SLC24A3: variants seen among roughly 807,000 people sequenced by gnomAD.
The protein encoded by SLC24A3 is solute carrier family 24 member 3, also known as sodium/potassium/calcium exchanger 3.
Under a neutral mutation model 75.8 loss-of-function variants are expected in SLC24A3, and 28 were observed. The observed-to-expected ratio is 0.37, with a 90% CI of 0.27 to 0.51. The LOEUF is 0.51. Among genes scored for constraint, SLC24A3 ranks in the 20% least tolerant of loss-of-function variants. The pLI is 0.94. For synonymous variants in SLC24A3, 372 were observed against 334.1 expected (o/e 1.11, Z -1.24); for missense variants, 663 against 847.8 (o/e 0.78, Z 2.71).
At chr20:19,677,743 G>T (rs1167844128) in intron 9 of SLC24A3, among the ~76,000 whole-genome samples, 4 of 123,340 alleles carry the variant, frequency 3.2e-5, no homozygotes, top group Non-Finnish European at 4.9e-5. Flanking sequence ...ATTCTTGGGT[G>T]TTTCTCACAG....
intron 6 of SLC24A3, among the ~76,000 whole-genome samples, chr20:19,609,694 A>G (rs921101128): frequency 3.3e-5 from 5 of 152,220 alleles, no homozygotes; most frequent in African/African-American, 9.6e-5. Context: ...TAAAATCTCA[A>G]TGCAACCATT....
intron 2 of SLC24A3, among the ~76,000 whole-genome samples, chr20:19,480,176 A>ATT (rs1471619926): frequency 1.3e-5 from 2 of 152,230 alleles, no homozygotes; most frequent in African/African-American, 4.8e-5. Flanking sequence ...GTATGGTGTG[A>ATT]TGAGGTGTCT....
rs549247528 is a variant in SLC24A3, at chr20:19,688,702, C to T, written c.1324+3341C>T. 3.8e-4 allele frequency among the ~76,000 whole-genome samples: 58 copies of T among 152,300 alleles called. 1 individual carries two copies. In the South Asian group the frequency reaches 0.012, roughly 31 times the overall value. ...AGGCATGAGTACCCTGTTTCTGGCA[C>T]CCAGCCACAGTGCTTTCTTCTCTCA... is the stretch of plus-strand genomic sequence containing the variant. On this transcript the variant is annotated intron_variant, in intron 12 of 16. Coordinates refer to ENST00000328041, the MANE Select transcript of SLC24A3 (RefSeq NM_020689.4).
intron 3 of SLC24A3, among the ~76,000 whole-genome samples, chr20:19,533,964 C>T (rs1300212665): frequency 3.9e-5 from 6 of 152,230 alleles, no homozygotes; most frequent in Non-Finnish European, 8.8e-5. Context: ...CTCATCTGAG[C>T]AACAAGGCTG....
chr20:19,465,791 C>T (rs1987755445), intron 2 of SLC24A3, among the ~76,000 whole-genome samples: 1 of 152,196 alleles, frequency 6.6e-6, no homozygotes, highest in Non-Finnish European at 1.5e-5. Context: ...ACGCTACTTT[C>T]TCTGGGCTTG....
chr20:19,531,340 G>T (rs2030295411), intron 3 of SLC24A3, among the ~76,000 whole-genome samples: 1 of 152,210 alleles, frequency 6.6e-6, no homozygotes, highest in Non-Finnish European at 1.5e-5. Flanking sequence ...CTACTAAGAT[G>T]CTTACAAGGA....
Position 19,437,618 on chromosome 20 carries a change from C to T in SLC24A3, c.272-77870C>T, listed in dbSNP as rs56882519. On this transcript the variant is annotated intron_variant, in intron 2 of 16. Transcript: ENST00000328041. ...TGAGGAGGTGGGAAGAAGGCTGAGGCTTATCCAGGCCAATTGACCCAAACG... is the reference window on the plus strand; with the variant it reads ...TGAGGAGGTGGGAAGAAGGCTGAGGTTTATCCAGGCCAATTGACCCAAACG... Among the ~76,000 whole-genome samples the T allele has an allele frequency of 3.0e-3, 464 of 152,312 alleles. 6 individuals carry two copies. The highest frequency in any genetic ancestry group is 0.011 in the African/African-American group (453 of 41,580).
chr20:19,477,938 A>T (rs1273994726), intron 2 of SLC24A3, among the ~76,000 whole-genome samples: 1 of 152,216 alleles, frequency 6.6e-6, no homozygotes. Flanking sequence ...AGGACAGTCT[A>T]TACTGGAGGA....
chr20:19,316,410 G>A (rs1984587925), intron 2 of SLC24A3, among the ~76,000 whole-genome samples: 1 of 152,250 alleles, frequency 6.6e-6, no homozygotes, highest in Non-Finnish European at 1.5e-5. Context: ...GGGTCAGGGT[G>A]TAGGCTGAAA....
intron 2 of SLC24A3, among the ~76,000 whole-genome samples, chr20:19,386,918 G>T (rs1293035589): frequency 6.6e-6 from 1 of 151,994 alleles, no homozygotes; most frequent in African/African-American, 2.4e-5. Context: ...AAGGAGGATT[G>T]GTATTCATTC....
intron 6 of SLC24A3, among the ~76,000 whole-genome samples, chr20:19,637,086 G>T (rs2032011015): frequency 6.6e-6 from 1 of 152,222 alleles, no homozygotes; most frequent in Non-Finnish European, 1.5e-5. Flanking sequence ...ATCACCTGAG[G>T]TCAGGAATTC....
intron 2 of SLC24A3, among the ~76,000 whole-genome samples, chr20:19,484,201 C>T (rs1194893253): frequency 1.3e-5 from 2 of 152,054 alleles, no homozygotes; most frequent in Non-Finnish European, 2.9e-5. Flanking sequence ...GGAATATTTG[C>T]GTATGCATAA....
intron 2 of SLC24A3, among the ~76,000 whole-genome samples, chr20:19,293,299 G>A (rs1367282992): frequency 6.6e-6 from 1 of 152,068 alleles, no homozygotes; most frequent in Non-Finnish European, 1.5e-5. Flanking sequence ...TTATCCAATT[G>A]CCCTGGTTTC....
intron 2 of SLC24A3, among the ~76,000 whole-genome samples, chr20:19,385,345 T>C (rs56281585): frequency 0.019 from 2,921 of 152,314 alleles, 93 homozygotes; most frequent in African/African-American, 0.066. Context: ...GAGATAATGG[T>C]CCAATTTCAT....
chr20:19,693,209 T>A, intron 12 of SLC24A3, 50 bp from the exon 13 acceptor site: 1 of 1,553,516 alleles, frequency 6.4e-7, no homozygotes, highest in Non-Finnish European at 8.7e-7. Flanking sequence ...CTAACTGGGG[T>A]TCTTTGTTAT....
intron 2 of SLC24A3, among the ~76,000 whole-genome samples, chr20:19,385,277 G>A (rs1184424712): frequency 6.6e-6 from 1 of 152,166 alleles, no homozygotes; most frequent in Non-Finnish European, 1.5e-5. Context: ...TTTTAAAACA[G>A]TTTCAGCCCT....
intron 2 of SLC24A3, among the ~76,000 whole-genome samples, chr20:19,294,796 A>G (rs2122239284): frequency 6.6e-6 from 1 of 152,322 alleles, no homozygotes; most frequent in South Asian, 2.1e-4. Flanking sequence ...CTTTGGTTAT[A>G]TACCTAGTAA....
chr20:19,285,265 G>T (rs537673044), intron 2 of SLC24A3, among the ~76,000 whole-genome samples: 33 of 152,220 alleles, frequency 2.2e-4, no homozygotes, highest in African/African-American at 7.5e-4. Flanking sequence ...ATTACTTGAG[G>T]CCAGGAGTTC....
intron 2 of SLC24A3, among the ~76,000 whole-genome samples, chr20:19,392,887 T>G (rs1986390455): frequency 6.6e-6 from 1 of 152,190 alleles, no homozygotes; most frequent in Non-Finnish European, 1.5e-5. Flanking sequence ...AGTGAGCCTT[T>G]CCCTTCTTGC....
Sources: allele counts gnomAD v4.1 joint callset (sites outside exome capture counted in the v4.1 genomes callset), GRCh38; gene constraint gnomAD v4.1.1; transcripts MANE v1.5; gene names NCBI Gene and HGNC (gene_info 2026-07-23, HGNC 2026-07-21).